Variants in NELL1 observed in about 807,000 individuals in gnomAD.
NELL1 encodes the protein protein kinase C-binding protein NELL1.
A neutral mutation model predicts 107.4 loss-of-function variants in NELL1; 76 were observed. That is an observed-to-expected ratio of 0.71 (90% CI 0.59 to 0.86). The LOEUF is 0.86. NELL1 is among the 40% of genes least tolerant of loss of function. The pLI, the probability that NELL1 is intolerant of heterozygous loss-of-function variation, is 0.00. For missense variants in NELL1, 1,024 were observed against 1,005.5 expected, an observed-to-expected ratio of 1.02 and a Z score of -0.25; for synonymous variants, 353 against 341.2, an observed-to-expected ratio of 1.03 and a Z score of -0.38.
chr11:20,842,163 G>A (rs1364590382), intron 3 of NELL1, among the ~76,000 whole-genome samples: 1 of 152,082 alleles, frequency 6.6e-6, no homozygotes, highest in East Asian at 1.9e-4. Flanking sequence ...GATCACTTGA[G>A]GTCAGGAGTT....
chr11:20,763,723 C>G (rs1259966678), intron 2 of NELL1, among the ~76,000 whole-genome samples: 2 of 152,232 alleles, frequency 1.3e-5, no homozygotes, highest in Non-Finnish European at 2.9e-5. Flanking sequence ...GGGACTCATA[C>G]TACAGTGACA....
chr11:21,309,047 A>G (rs1025209176), intron 14 of NELL1, among the ~76,000 whole-genome samples: 1 of 151,644 alleles, frequency 6.6e-6, no homozygotes, highest in Non-Finnish European at 1.5e-5. Context: ...CATTTTAGAC[A>G]TTTAGCATAT....
chr11:21,273,527 C>T (rs1167734791), intron 14 of NELL1, among the ~76,000 whole-genome samples: 2 of 152,196 alleles, frequency 1.3e-5, no homozygotes, highest in South Asian at 2.1e-4. Flanking sequence ...GGCAGGCCAA[C>T]ATTCAAATTC....
chr11:21,544,684 G>C (rs537638454), intron 16 of NELL1, among the ~76,000 whole-genome samples: 9 of 151,958 alleles, frequency 5.9e-5, no homozygotes, highest in East Asian at 1.9e-4. Context: ...TGGACAAAGA[G>C]CCTGTACTTT....
At chr11:21,535,776 G>A (rs1856121460) in intron 16 of NELL1, among the ~76,000 whole-genome samples, 2 of 152,098 alleles carry the variant, frequency 1.3e-5, no homozygotes, top group Non-Finnish European at 1.5e-5. Flanking sequence ...TCTGTTAAAT[G>A]TTCAAGAAAT....
At chr11:21,237,810 T>C (rs554395362) in intron 14 of NELL1, among the ~76,000 whole-genome samples, 3 of 152,080 alleles carry the variant, frequency 2.0e-5, no homozygotes, top group African/African-American at 4.8e-5. Context: ...CTCAGGTACC[T>C]CCTCTGATTA....
intron 15 of NELL1, among the ~76,000 whole-genome samples, chr11:21,519,539 T>A (rs1045167259): frequency 1.8e-4 from 11 of 60,440 alleles, no homozygotes; most frequent in South Asian, 5.7e-4. Flanking sequence ...TTTTGTTTTG[T>A]TTTTTGTTTT....
chr11:21,459,698 T>C (rs1409110741), intron 15 of NELL1, among the ~76,000 whole-genome samples: 1 of 152,018 alleles, frequency 6.6e-6, no homozygotes, highest in Non-Finnish European at 1.5e-5. Context: ...AGAGGAAGAC[T>C]GTGAAGCATG....
At chr11:21,283,384 T>C (rs975551519) in intron 14 of NELL1, among the ~76,000 whole-genome samples, 1 of 152,130 alleles carries the variant, frequency 6.6e-6, no homozygotes, top group African/African-American at 2.4e-5. Flanking sequence ...TCGTGTGGGA[T>C]TTTGGTAGTG....
At chr11:20,713,860 A>G (rs553251801) in intron 2 of NELL1, among the ~76,000 whole-genome samples, 8 of 152,026 alleles carry the variant, frequency 5.3e-5, no homozygotes, top group Admixed American at 1.3e-4. Context: ...TGCTGCTTCT[A>G]TTTTTTATTT....
At chr11:20,758,007 C>T (rs1856335633) in intron 2 of NELL1, among the ~76,000 whole-genome samples, 1 of 152,172 alleles carries the variant, frequency 6.6e-6, no homozygotes, top group Non-Finnish European at 1.5e-5. Context: ...CCTCCTTGCT[C>T]TATCTTCACA....
chr11:20,947,409 A>C lies in NELL1; in HGVS notation c.1145A>C (p.Glu382Ala). The C allele has an allele frequency of 1.2e-6, 2 of 1,613,996 alleles. No individual in the cohort carries two copies. Among genetic ancestry groups the C allele is most frequent in the Non-Finnish European group, 1.7e-6 (2 of 1,179,942 alleles). ...NCSEKDHILP[E>A]NQCCRVCRGH... is the part of the protein sequence containing the mutation. ...TCAGAAAAGGATCACATTCTTCCTGAGAATCAGTGCTGCCGTGTCTGTAGA... is the reference window on the plus strand; with the variant it reads ...TCAGAAAAGGATCACATTCTTCCTGCGAATCAGTGCTGCCGTGTCTGTAGA... Residue 382 changes from glutamate (E) to alanine (A), a missense_variant, in exon 11 of 20, where the codon GAG becomes GCG. By Grantham distance (107) the Glu-to-Ala change is moderately radical (BLOSUM62 -1). Transcript: ENST00000357134.
intron 2 of NELL1, among the ~76,000 whole-genome samples, chr11:20,693,216 C>G (rs946423908): frequency 4.6e-5 from 7 of 152,042 alleles, no homozygotes; most frequent in Non-Finnish European, 1.0e-4. Flanking sequence ...ATACAGCACA[C>G]TGATGGGTCT....
At chr11:21,488,241 T>A (rs1448207037) in intron 15 of NELL1, among the ~76,000 whole-genome samples, 3 of 151,878 alleles carry the variant, frequency 2.0e-5, no homozygotes, top group African/African-American at 7.3e-5. Flanking sequence ...CATTAACAAA[T>A]AGAACATTCT....
At chr11:20,744,323 A>T (rs756265525) in intron 2 of NELL1, among the ~76,000 whole-genome samples, 1 of 152,198 alleles carries the variant, frequency 6.6e-6, no homozygotes, top group Non-Finnish European at 1.5e-5. Context: ...TTTCTATCTC[A>T]TCCATATTAT....
chr11:21,118,312 A>G (rs1855284775), intron 13 of NELL1, among the ~76,000 whole-genome samples: 1 of 152,038 alleles, frequency 6.6e-6, no homozygotes, highest in Non-Finnish European at 1.5e-5. Context: ...GATGGGAGAC[A>G]GGAGACAGGA....
chr11:21,273,698 T>A (rs1199466834), intron 14 of NELL1, among the ~76,000 whole-genome samples: 2 of 152,298 alleles, frequency 1.3e-5, no homozygotes, highest in African/African-American at 2.4e-5. Flanking sequence ...GACTAACAGC[T>A]GATCTCTCGG....
intron 5 of NELL1, among the ~76,000 whole-genome samples, chr11:20,890,143 G>A (rs1297845461): frequency 6.6e-6 from 1 of 152,094 alleles, no homozygotes; most frequent in African/African-American, 2.4e-5. Flanking sequence ...GTCCCAGAAG[G>A]AGCAGGAATC....
chr11:21,035,443 A>G (rs1272063431), intron 12 of NELL1, among the ~76,000 whole-genome samples: 2 of 151,334 alleles, frequency 1.3e-5, no homozygotes, highest in African/African-American at 2.4e-5. Context: ...TCAGGCCAAT[A>G]TCCTTGATGA....
Sources: allele counts gnomAD v4.1 joint callset (sites outside exome capture counted in the v4.1 genomes callset), GRCh38; gene constraint gnomAD v4.1.1; transcripts MANE v1.5; gene names NCBI Gene and HGNC (gene_info 2026-07-23, HGNC 2026-07-21).